The following CTDSP1 variants were observed in gnomAD, a reference collection of about 807,000 sequenced individuals.
The protein encoded by CTDSP1 is carboxy-terminal domain RNA polymerase II polypeptide A small phosphatase 1.
In CTDSP1, 15 loss-of-function variants were observed where a neutral mutation model predicts 32.5. The ratio of observed to expected loss-of-function variants is 0.46; its 90% CI spans 0.31 to 0.71. The LOEUF is 0.71. Ranked by LOEUF, CTDSP1 falls within the 30% of genes least tolerant of loss-of-function variation. The probability of loss-of-function intolerance (pLI) is 0.05; values close to 1 mark genes in which losing one functional copy is unlikely to be tolerated. For synonymous variants in CTDSP1, 185 were observed against 145.4 expected, an observed-to-expected ratio of 1.27 and a Z score of -1.96; for missense variants, 294 against 351.1, an observed-to-expected ratio of 0.84 and a Z score of 1.30.
In CTDSP1 at chr2:218,405,682, T is replaced by G. The variant is rs1344082856; in HGVS notation, c.*1257T>G. 6.5e-6 allele frequency: 1 copy of G among 153,050 alleles called. No individual in the cohort carries two copies. Among genetic ancestry groups the G allele is most frequent in the Non-Finnish European group, 1.5e-5 (1 of 68,264 alleles). 9.5% of individuals were successfully genotyped at this position (153,050 alleles called of 1,614,324 possible). ...CCAGGATATCCTGCCTTCCAACTGTTTCTGAAGCCCCTCCTCCTAACATGG... is the reference window on the plus strand; with the variant it reads ...CCAGGATATCCTGCCTTCCAACTGTGTCTGAAGCCCCTCCTCCTAACATGG... On this transcript the variant is annotated 3_prime_UTR_variant, in exon 7 of 7. Transcript: ENST00000273062.
upstream of CTDSP1, chr2:218,399,799 G>C (rs1003685341): frequency 6.2e-6 from 7 of 1,120,910 alleles, no homozygotes; most frequent in African/African-American, 3.3e-5. Context: ...CCGCAGCCGA[G>C]TCCAGGTCAC....
Position 218,403,385 on chromosome 2 carries a change from C to A in CTDSP1, c.625C>A (p.Pro209Thr). 6.2e-7 allele frequency: 1 copy of A among 1,610,048 alleles called. No individual in the cohort carries two copies. ...GCGGGTGCTCATCCTGGACAATTCA[C>A]CTGCCTCCTATGTCTTCCATCCAGA... ...LRRVLILDNS[P>T]ASYVFHPDNA... Residue 209 changes from proline to threonine, a missense_variant, in exon 6 of 7, where the codon CCT (proline) becomes ACT (threonine). Around this residue, in one of 2 missense-constraint regions of CTDSP1, gnomAD observed 146 missense variants for 237.7 expected, o/e 0.61. Coordinates refer to ENST00000273062, the MANE Select transcript of CTDSP1 (RefSeq NM_021198.3).
chr2:218,396,592 A>G (rs1360765436), upstream of CTDSP1: 1 of 152,438 alleles, frequency 6.6e-6, no homozygotes, highest in Non-Finnish European at 1.5e-5. Flanking sequence ...CAAGGAGAGA[A>G]GAGATGGGAC....
chr2:218,400,783 G>T (rs763143192), intron 1 of CTDSP1: 1 of 453,726 alleles, frequency 2.2e-6, no homozygotes, highest in South Asian at 1.6e-5. Flanking sequence ...GCACCACCCC[G>T]CAAAGCCTCG....
chr2:218,401,464 G>C (rs1320779394), intron 1 of CTDSP1, 100 bp from the exon 2 acceptor site: 2 of 1,408,758 alleles, frequency 1.4e-6, no homozygotes, highest in Non-Finnish European at 1.9e-6. Context: ...AAGGGGCCAC[G>C]GCAAGATCCT....
In CTDSP1 at chr2:218,400,061, G is replaced by T. The variant is rs1697032054; in HGVS notation, c.-30G>T. On this transcript the variant is annotated 5_prime_UTR_variant, in exon 1 of 7. Coordinates refer to ENST00000273062, the MANE Select transcript of CTDSP1 (RefSeq NM_021198.3). ...GGGGAGGCCGGGCGCCCGGGCCAGAGTCCGGCCGGAGCGGAGCGCGCCCGG... is the reference window on the plus strand; with the variant it reads ...GGGGAGGCCGGGCGCCCGGGCCAGATTCCGGCCGGAGCGGAGCGCGCCCGG... The T allele has an allele frequency of 7.2e-7, 1 of 1,391,880 alleles. No individual in the cohort carries two copies. The highest frequency in any genetic ancestry group is 1.6e-5 in the South Asian group (1 of 63,672). 86.2% of individuals were successfully genotyped at this position (1,391,880 alleles called of 1,614,324 possible). A position where few individuals can be genotyped will look rare whatever the true frequency, so the allele number is the denominator to read the frequency against.
At position 218,404,625 on chromosome 2, in the gene CTDSP1, C is replaced by G. The variant is rs1030398883; in HGVS notation, c.*200C>G. 1 of 584,890 alleles carries G rather than the reference C, an allele frequency of 1.7e-6. No individual in the cohort carries two copies. The highest frequency in any genetic ancestry group is 2.9e-6 in the Non-Finnish European group (1 of 341,942). The allele number at this position is 584,890 out of a possible 1,614,324, so 36.2% of individuals were successfully genotyped here. On this transcript the variant is annotated 3_prime_UTR_variant, in exon 7 of 7. Transcript: ENST00000273062. ...ACTGAGGACCGTGAGCTCCAGGCCC[C>G]GTGTCAGTGCCTTCAAACCTCCTCC...
chr2:218,402,334 C>CT lies in CTDSP1; in HGVS notation c.322-11dup, dbSNP rs764954295. ...GGCTCCTCCTCCAACTCCAGCAGCT[C>CT]TTTTCCCCCCACAGCCAGTGAACAA... On this transcript the variant is annotated splice_polypyrimidine_tract_variant and intron_variant, in intron 3 of 6. Transcript: ENST00000273062. 1.2e-6 allele frequency: 2 copies of CT among 1,613,924 alleles called. No homozygotes were observed. The highest frequency in any genetic ancestry group is 2.2e-5 in the East Asian group (1 of 44,892).
rs540875603 is a variant in CTDSP1, at chr2:218,404,847, C to T, written c.*422C>T. The T allele has an allele frequency of 3.7e-5, 6 of 160,390 alleles. No homozygotes were observed. The East Asian group carries it at 1.1e-3, about 29-fold the overall frequency. 9.9% of individuals were successfully genotyped at this position (160,390 alleles called of 1,614,324 possible). A position where few individuals can be genotyped will look rare whatever the true frequency, so the allele number is the denominator to read the frequency against. ...TGCCTTGCATAGAGCCCCCTCTTCC[C>T]CGCCCAGCTTTCCCAGGGGCACAGC... On this transcript the variant is annotated 3_prime_UTR_variant, in exon 7 of 7. Transcript: ENST00000273062.
In CTDSP1 at chr2:218,400,372, C is replaced by T. The variant is rs891441567; in HGVS notation, c.67+215C>T. Reference sequence around the variant, plus strand: ...CTGGCGCCTTTGGGGCGCTCCTGTTCGCTCGAGGTGAGGAAACTGAGGCAG... The same window carrying T: ...CTGGCGCCTTTGGGGCGCTCCTGTTTGCTCGAGGTGAGGAAACTGAGGCAG... On this transcript the variant is annotated intron_variant, in intron 1 of 6. Transcript: ENST00000273062. 3 of 662,008 alleles carry T rather than the reference C, an allele frequency of 4.5e-6. No homozygotes were observed. The African/African-American group carries it at 5.5e-5, about 12-fold the overall frequency. The allele number at this position is 662,008 out of a possible 1,614,324, so 41.0% of individuals were successfully genotyped here.
rs142262587 is a variant in CTDSP1, at chr2:218,403,121, C to T, written c.465C>T (p.Leu155=). The change falls in exon 5 of 7, where the codon CTC becomes CTT. Residue 155 remains leucine (L), a synonymous_variant. Transcript: ENST00000273062. The part of the protein sequence containing the change: ...LFECVLFTAS[L]AKYADPVADL... ...AATGTGTGCTGTTCACTGCTAGCCT[C>T]GCCAAGGTGAGCCCCACAGGGGTCC... is the stretch of plus-strand genomic sequence containing the variant. The T allele has an allele frequency of 2.8e-4, 444 of 1,614,142 alleles. 2 individuals are homozygous for T. In the African/African-American group the frequency reaches 4.6e-3, roughly 17 times the overall value.
intron 5 of CTDSP1, 27 bp downstream of exon 5, chr2:218,403,154 A>G: frequency 2.5e-6 from 4 of 1,612,912 alleles, no homozygotes; most frequent in Non-Finnish European, 3.4e-6. Flanking sequence ...TCCCGGGGCA[A>G]CCCTGCCCTC....
upstream of CTDSP1, chr2:218,399,819 G>A (rs1697011814): frequency 8.5e-7 from 1 of 1,173,710 alleles, no homozygotes. Flanking sequence ...CGCCGAAGCC[G>A]TTGCCCTTTT....
At chr2:218,398,419 G>A, upstream of CTDSP1, 4 of 1,535,282 alleles carry the variant, frequency 2.6e-6, no homozygotes, top group Non-Finnish European at 3.5e-6. Context: ...CGCAATGGTG[G>A]CCGCCCCGTG....
chr2:218,396,822 C>G (rs1277514793), upstream of CTDSP1: 1 of 152,598 alleles, frequency 6.6e-6, no homozygotes, highest in Non-Finnish European at 1.5e-5. Context: ...GAGTGCCAGT[C>G]CTCTGCCAGG....
At position 218,401,663 on chromosome 2, in the gene CTDSP1, C is replaced by T. The variant is rs138499758; in HGVS notation, c.167C>T (p.Ala56Val). 42 of 1,609,612 alleles carry T rather than the reference C, an allele frequency of 2.6e-5. No individual in the cohort carries two copies. In the African/African-American group the frequency reaches 4.7e-4, roughly 18 times the overall value. ...VCRDDGEALP[A>V]HSGAPLLVEE... ...CGGGATGATGGGGAGGCCCTGCCTG[C>T]TCACAGCGGGGCGCCCCTGCTTGTG... Residue 56 changes from alanine to valine, a missense_variant, in exon 2 of 7, where the codon GCT becomes GTT. Ala to Val is a moderately conservative substitution (Grantham distance 64). Around this residue, in one of 2 missense-constraint regions of CTDSP1, gnomAD observed 148 missense variants for 113.3 expected, o/e 1.31. Coordinates refer to ENST00000273062, the MANE Select transcript of CTDSP1 (RefSeq NM_021198.3).
Position 218,403,214 on chromosome 2 carries a change from C to T in CTDSP1, c.472-18C>T. 1 of 1,611,138 alleles carries T rather than the reference C, an allele frequency of 6.2e-7. No homozygotes were observed. Among genetic ancestry groups the T allele is most frequent in the South Asian group, 1.1e-5 (1 of 90,838 alleles). ...AATGAACCTGCGGGCCCCAGGATGA[C>T]CCACCTCCTGCTCCCAGTACGCAGA... On this transcript the variant is annotated intron_variant, in intron 5 of 6. Transcript: ENST00000273062.
Position 218,400,035 on chromosome 2 carries a change from G to A in CTDSP1, c.-56G>A, listed in dbSNP as rs910598314. The A allele has an allele frequency of 3.0e-6, 4 of 1,350,578 alleles. No homozygotes were observed. Among genetic ancestry groups the A allele is most frequent in the Non-Finnish European group, 2.9e-6 (3 of 1,048,462 alleles). The allele number at this position is 1,350,578 out of a possible 1,614,324, so 83.7% of individuals were successfully genotyped here. ...GCGCCCCGATTCCGGCCCCAGCCGG[G>A]GGGGAGGCCGGGCGCCCGGGCCAGA... On this transcript the variant is annotated 5_prime_UTR_variant, in exon 1 of 7. Transcript: ENST00000273062.
upstream of CTDSP1, among the ~76,000 whole-genome samples, chr2:218,397,063 C>T (rs1043733907): frequency 2.0e-5 from 3 of 152,052 alleles, no homozygotes; most frequent in East Asian, 1.9e-4. Context: ...AATGAGAGTG[C>T]CAGGAGCATG....
Sources: gnomAD v4.1 joint callset for allele counts (sites outside exome capture counted in the v4.1 genomes callset) on GRCh38, gnomAD v4.1.1 for gene constraint, gnomAD v4.1.1 regional missense constraint, MANE v1.5 for transcripts, NCBI Gene and HGNC (gene_info 2026-07-23, HGNC 2026-07-21) for gene names.